The following MGRN1 variants were observed in gnomAD, a reference collection of about 807,000 sequenced individuals.
MGRN1 encodes the protein mahogunin ring finger 1, also known as E3 ubiquitin-protein ligase MGRN1.
Under a neutral mutation model 69.2 loss-of-function variants are expected in MGRN1, and 29 were observed. The ratio of observed to expected loss-of-function variants is 0.42; its 90% CI spans 0.31 to 0.57. MGRN1 has a LOEUF of 0.57. Ranked by LOEUF, MGRN1 falls within the 20% of genes least tolerant of loss-of-function variation. The pLI, the probability that MGRN1 is intolerant of heterozygous loss-of-function variation, is 0.15. For synonymous variants in MGRN1, 470 were observed against 344.2 expected, an observed-to-expected ratio of 1.37 and a Z score of -4.04; for missense variants, 998 against 796.2, an observed-to-expected ratio of 1.25 and a Z score of -3.05.
chr16:4,653,804 G>A (rs578058065), intron 4 of MGRN1, among the ~76,000 whole-genome samples: 1 of 151,936 alleles, frequency 6.6e-6, no homozygotes, highest in East Asian at 1.9e-4. Context: ...CCAGGCTGGA[G>A]TGCAATGGTG....
chr16:4,668,853 CAT>C (rs1282797917), intron 8 of MGRN1, among the ~76,000 whole-genome samples: 1 of 152,108 alleles, frequency 6.6e-6, no homozygotes, highest in East Asian at 1.9e-4. Flanking sequence ...TACTCACACA[CAT>C]AAACTCACAT....
chr16:4,642,655 T>C (rs1427767465), intron 1 of MGRN1, among the ~76,000 whole-genome samples: 1 of 152,092 alleles, frequency 6.6e-6, no homozygotes, highest in Non-Finnish European at 1.5e-5. Flanking sequence ...GAAACAGACT[T>C]TCCCATGTTG....
In MGRN1 at chr16:4,651,349, G is replaced by A. The variant is rs142612440; in HGVS notation, c.208-614G>A. Among the ~76,000 whole-genome samples, 913 of 152,284 alleles carry A rather than the reference G, an allele frequency of 6.0e-3. 5 individuals are homozygous for A. Among genetic ancestry groups the A allele is most frequent in the Non-Finnish European group, 9.1e-3 (621 of 68,028 alleles). ...AAGCAGACCCTGCCTCTGCTACCTG[G>A]TGGGGGCGTAGACAATTAATACGGG... On this transcript the variant is annotated intron_variant, in intron 2 of 16. Coordinates refer to ENST00000262370, the MANE Select transcript of MGRN1 (RefSeq NM_015246.4).
chr16:4,651,974 C>G lies in MGRN1; in HGVS notation c.219C>G (p.Val73=), dbSNP rs1480249666. ...LGSRPVQFPY[V]TPAPHEPVKT... is the part of the protein sequence containing the mutation. ...GGTTTTTCTCCTAGTTTCCCTACGT[C>G]ACTCCTGCCCCCCACGAGCCCGTGA... Residue 73 remains valine (V), a synonymous_variant, in exon 3 of 17, where the codon GTC becomes GTG. Coordinates refer to ENST00000262370, the MANE Select transcript of MGRN1 (RefSeq NM_015246.4). 2.5e-6 allele frequency: 4 copies of G among 1,614,020 alleles called. No individual in the cohort carries two copies. The East Asian group carries it at 8.9e-5, about 36-fold the overall frequency.
In MGRN1 at chr16:4,681,719, A is replaced by G. The variant is rs1352079898; in HGVS notation, c.1301A>G (p.Asp434Gly). Residue 434 changes from aspartate to glycine, a missense_variant, in exon 13 of 17, where the codon GAC (aspartate) becomes GGC (glycine). Coordinates refer to ENST00000262370, the MANE Select transcript of MGRN1 (RefSeq NM_015246.4). The stretch of plus-strand genomic sequence containing the variant: ...GCCAGCTGTCCCCTCGCGGCTATCG[A>G]CCACATCCTGGACAGCAGCCGCCAG... ...SQASCPLAAI[D>G]HILDSSRQKG... The G allele has an allele frequency of 1.9e-6, 3 of 1,613,096 alleles. No individual in the cohort carries two copies. Among genetic ancestry groups the G allele is most frequent in the East Asian group, 4.5e-5 (2 of 44,870 alleles).
chr16:4,683,183 G>A lies in MGRN1; in HGVS notation c.1483-41G>A, dbSNP rs750971852. On this transcript the variant is annotated intron_variant, in intron 14 of 16. Transcript: ENST00000262370. ...CGGCTTGTCCTGGAGCGGTGGCCGC[G>A]GCTCTCTGAGCTCTAGGCTACTTTC... 1.2e-5 allele frequency: 19 copies of A among 1,609,828 alleles called. No homozygotes were observed. In the South Asian group the frequency reaches 1.5e-4, roughly 13 times the overall value.
chr16:4,681,352 G>T, intron 12 of MGRN1, 198 bp from the exon 13 acceptor site: 1 of 576,842 alleles, frequency 1.7e-6, no homozygotes, highest in Non-Finnish European at 3.0e-6. Flanking sequence ...GTGGGCATTT[G>T]GGCATCCAGC....
At chr16:4,646,986 C>T (rs1252797583) in intron 1 of MGRN1, among the ~76,000 whole-genome samples, 1 of 152,174 alleles carries the variant, frequency 6.6e-6, no homozygotes, top group South Asian at 2.1e-4. Context: ...CCTTCTGGAC[C>T]CCACCTCAGT....
In MGRN1 at chr16:4,688,728, C is replaced by A. The variant is rs538053725; in HGVS notation, c.1619-68C>A. The A allele has an allele frequency of 4.7e-6, 7 of 1,486,998 alleles. 1 individual carries two copies. Among genetic ancestry groups the A allele is most frequent in the South Asian group, 3.9e-5 (3 of 77,198 alleles). 92.1% of individuals were successfully genotyped at this position (1,486,998 alleles called of 1,614,324 possible). On this transcript the variant is annotated intron_variant, in intron 16 of 16. Transcript: ENST00000262370. ...GCCCAGCCCCTCTGGGGCTCCAGATCGGTAGGAGCGGGTGGCGTGGCACCA... is the reference window on the plus strand; with the variant it reads ...GCCCAGCCCCTCTGGGGCTCCAGATAGGTAGGAGCGGGTGGCGTGGCACCA...
rs569344633 is a variant in MGRN1, at chr16:4,657,374, C to T, written c.561+11C>T. 5 of 1,611,218 alleles carry T rather than the reference C, an allele frequency of 3.1e-6. No homozygotes were observed. Among genetic ancestry groups the T allele is most frequent in the East Asian group, 2.2e-5 (1 of 44,868 alleles). On this transcript the variant is annotated intron_variant, in intron 5 of 16. Coordinates refer to ENST00000262370, the MANE Select transcript of MGRN1 (RefSeq NM_015246.4). ...TGGAAGGATGACGAGGTAATGCTGGCTGGGCGGCTCCTTGCCCTTCGCTCC... is the reference window on the plus strand; with the variant it reads ...TGGAAGGATGACGAGGTAATGCTGGTTGGGCGGCTCCTTGCCCTTCGCTCC...
At chr16:4,681,353 G>T (rs2079178552) in intron 12 of MGRN1, 197 bp from the exon 13 acceptor site, 1 of 578,312 alleles carries the variant, frequency 1.7e-6, no homozygotes, top group Non-Finnish European at 3.0e-6. Flanking sequence ...TGGGCATTTG[G>T]GCATCCAGCC....
chr16:4,677,240 C>T (rs2079072380), intron 10 of MGRN1: 1 of 424,114 alleles, frequency 2.4e-6, no homozygotes, highest in Non-Finnish European at 4.2e-6. Flanking sequence ...CCCTCTATTT[C>T]TGTACAGGGG....
intron 1 of MGRN1, among the ~76,000 whole-genome samples, chr16:4,625,544 G>A (rs927156732): frequency 6.6e-6 from 1 of 152,240 alleles, no homozygotes; most frequent in Non-Finnish European, 1.5e-5. Context: ...TGGGTTGGAG[G>A]AGTGGGGCTG....
chr16:4,631,849 G>A (rs1344387229), intron 1 of MGRN1, among the ~76,000 whole-genome samples: 1 of 151,450 alleles, frequency 6.6e-6, no homozygotes, highest in African/African-American at 2.4e-5. Context: ...TGCTGACTCT[G>A]GGAATCCATG....
At chr16:4,650,730 T>G in intron 2 of MGRN1, 1 of 375,966 alleles carries the variant, frequency 2.7e-6, no homozygotes, top group Non-Finnish European at 4.7e-6. Context: ...CCATACTGAA[T>G]GGGTGCGTCT....
intron 16 of MGRN1, chr16:4,686,910 C>T: frequency 1.7e-5 from 17 of 985,508 alleles, no homozygotes; most frequent in South Asian, 9.4e-5. Context: ...AAGCTCAGTC[C>T]CTGTCTCTTG....
At chr16:4,647,299 A>G (rs2078294876) in intron 1 of MGRN1, among the ~76,000 whole-genome samples, 1 of 152,158 alleles carries the variant, frequency 6.6e-6, no homozygotes, top group Non-Finnish European at 1.5e-5. Context: ...TCCGGAGACC[A>G]CCGTGCCCTG....
chr16:4,645,297 G>T (rs1437118657), intron 1 of MGRN1, among the ~76,000 whole-genome samples: 1 of 152,044 alleles, frequency 6.6e-6, no homozygotes, highest in Non-Finnish European at 1.5e-5. Flanking sequence ...GTCCTGAGTA[G>T]CTAGGACTAC....
At chr16:4,662,819 G>A (rs2078712767) in intron 5 of MGRN1, among the ~76,000 whole-genome samples, 1 of 152,214 alleles carries the variant, frequency 6.6e-6, no homozygotes, top group Non-Finnish European at 1.5e-5. Flanking sequence ...TTGGTTCTGA[G>A]CATTGCTGTT....
Sources: gnomAD v4.1 joint callset for allele counts (sites outside exome capture counted in the v4.1 genomes callset) on GRCh38, gnomAD v4.1.1 for gene constraint, MANE v1.5 for transcripts, NCBI Gene and HGNC (gene_info 2026-07-23, HGNC 2026-07-21) for gene names.